The following PIAS1 variants were observed in gnomAD, a reference collection of about 807,000 sequenced individuals.
The protein encoded by PIAS1 is protein inhibitor of activated STAT 1, also known as E3 SUMO-protein ligase PIAS1.
A neutral mutation model predicts 71.3 loss-of-function variants in PIAS1; 6 were observed. The observed-to-expected ratio is 0.08, with a 90% CI of 0.05 to 0.17. The LOEUF is 0.17. Among genes scored for constraint, PIAS1 ranks in the 10% least tolerant of loss-of-function variants. The probability of loss-of-function intolerance (pLI) is 1.00; values close to 1 mark genes in which losing one functional copy is unlikely to be tolerated. For synonymous variants in PIAS1, 303 were observed against 292.9 expected, an observed-to-expected ratio of 1.03 and a Z score of -0.35; for missense variants, 555 against 793.6, an observed-to-expected ratio of 0.70 and a Z score of 3.61.
chr15:68,129,906 G>C (rs1439659801), intron 2 of PIAS1, among the ~76,000 whole-genome samples: 1 of 151,432 alleles, frequency 6.6e-6, no homozygotes, highest in African/African-American at 2.4e-5. Context: ...ATGTTCAGGG[G>C]TTTTCTTCAT....
intron 2 of PIAS1, among the ~76,000 whole-genome samples, chr15:68,089,698 A>G (rs1325068596): frequency 1.3e-5 from 2 of 151,758 alleles, no homozygotes; most frequent in Non-Finnish European, 2.9e-5. Context: ...TGAGACTTAC[A>G]GGCACGTGCC....
intron 1 of PIAS1, among the ~76,000 whole-genome samples, chr15:68,080,867 T>C (rs2092222447): frequency 6.6e-6 from 1 of 152,232 alleles, no homozygotes. Flanking sequence ...ACTCATAATA[T>C]AGTCTGCTTA....
chr15:68,145,747 C>G lies in PIAS1; in HGVS notation c.603-69C>G, dbSNP rs555346126. 5.8e-6 allele frequency: 5 copies of G among 861,306 alleles called. No individual in the cohort carries two copies. In the East Asian group the frequency reaches 1.3e-4, roughly 22 times the overall value. 53.4% of individuals were successfully genotyped at this position (861,306 alleles called of 1,614,324 possible). A position where few individuals can be genotyped will look rare whatever the true frequency, so the allele number is the denominator to read the frequency against. ...TAAATTTACCATCTTTTAAATTTAT[C>G]TATTTAACAATAATACTAATGAAGT... On this transcript the variant is annotated intron_variant, in intron 4 of 13. Coordinates refer to ENST00000249636, the MANE Select transcript of PIAS1 (RefSeq NM_016166.3).
At chr15:68,075,967 G>C (rs1364263823) in intron 1 of PIAS1, among the ~76,000 whole-genome samples, 1 of 152,002 alleles carries the variant, frequency 6.6e-6, no homozygotes, top group African/African-American at 2.4e-5. Context: ...GTTTTTAGTG[G>C]AGATGGGGTT....
chr15:68,156,006 G>T (rs1246799121), intron 7 of PIAS1, among the ~76,000 whole-genome samples: 2 of 152,096 alleles, frequency 1.3e-5, no homozygotes, highest in Non-Finnish European at 2.9e-5. Flanking sequence ...CTACATTTGT[G>T]CCCAGTCCTC....
intron 6 of PIAS1, 65 bp downstream of exon 6, chr15:68,146,765 C>A: frequency 8.8e-7 from 1 of 1,138,318 alleles, no homozygotes; most frequent in Non-Finnish European, 1.3e-6. Context: ...CCATGCCTAT[C>A]TGAATTTATA....
At chr15:68,138,241 T>G (rs1361481352) in intron 2 of PIAS1, among the ~76,000 whole-genome samples, 1 of 152,180 alleles carries the variant, frequency 6.6e-6, no homozygotes, top group Non-Finnish European at 1.5e-5. Context: ...CTATATGTTT[T>G]GTTTGCTCTG....
rs565490862 is a variant in PIAS1 at position 68,075,822 on chromosome 15, C to T, written c.25-10484C>T. On this transcript the variant is annotated intron_variant, in intron 1 of 13. Coordinates refer to ENST00000249636, the MANE Select transcript of PIAS1 (RefSeq NM_016166.3). ...TTTAAGATGGAGTTTTACTCTGCTGCGCAGGCTGGAGTGCAATGATGCGAT... is the reference window on the plus strand; with the variant it reads ...TTTAAGATGGAGTTTTACTCTGCTGTGCAGGCTGGAGTGCAATGATGCGAT... Among the ~76,000 whole-genome samples the T allele has an allele frequency of 3.4e-5, 5 of 145,378 alleles. No homozygotes were observed. In the South Asian group the frequency reaches 6.5e-4, roughly 19 times the overall value.
chr15:68,088,782 A>G (rs1679828076), intron 2 of PIAS1, among the ~76,000 whole-genome samples: 3 of 152,164 alleles, frequency 2.0e-5, no homozygotes, highest in Admixed American at 1.3e-4. Context: ...TAAATTCTTT[A>G]ACATTATTAA....
intron 2 of PIAS1, among the ~76,000 whole-genome samples, chr15:68,130,098 C>T (rs766118325): frequency 1.1e-4 from 17 of 151,954 alleles, no homozygotes; most frequent in Middle Eastern, 3.4e-3. Flanking sequence ...TAGTTTATTA[C>T]GCATTGCATG....
At chr15:68,150,060 ATC>A (rs1437203758) in intron 6 of PIAS1, among the ~76,000 whole-genome samples, 6 of 151,938 alleles carry the variant, frequency 3.9e-5, no homozygotes, top group African/African-American at 1.5e-4. Flanking sequence ...TCTTTTTGAC[ATC>A]TCTCAGGGTT....
At chr15:68,129,529 A>G (rs1219989590) in intron 2 of PIAS1, among the ~76,000 whole-genome samples, 2 of 152,166 alleles carry the variant, frequency 1.3e-5, no homozygotes, top group Non-Finnish European at 2.9e-5. Flanking sequence ...TTATGAAAAT[A>G]AGGCATTAAT....
intron 2 of PIAS1, among the ~76,000 whole-genome samples, chr15:68,093,434 G>A (rs2092349150): frequency 6.6e-6 from 1 of 152,222 alleles, no homozygotes; most frequent in Admixed American, 6.5e-5. Context: ...GCTTGGTAGG[G>A]CATTGGTCTG....
rs939405837 is a variant in PIAS1, at chr15:68,186,198, A to T, written c.1663-1344A>T. ...TGTTGTCATAGCAAATGACAGCTCC[A>T]TGCATGCTATTTTCCCTGAAGACCA... On this transcript the variant is annotated intron_variant, in intron 13 of 13. Transcript: ENST00000249636. This position sits in a 1 kb window ranked among gnomAD's most constrained non-coding sequence, Gnocchi z 4.4. 6.6e-6 allele frequency among the ~76,000 whole-genome samples: 1 copy of T among 152,196 alleles called. No homozygotes were observed. Among genetic ancestry groups the T allele is most frequent in the Non-Finnish European group, 1.5e-5 (1 of 68,032 alleles).
chr15:68,158,912 A>G (rs1249622079), intron 7 of PIAS1, among the ~76,000 whole-genome samples: 1 of 152,180 alleles, frequency 6.6e-6, no homozygotes, highest in Non-Finnish European at 1.5e-5. Flanking sequence ...GTGGCTATTG[A>G]GCACTTAAAA....
rs1276068225 is a variant in PIAS1, at chr15:68,054,695, T to A, written c.24+345T>A. 1.9e-5 allele frequency: 4 copies of A among 208,570 alleles called. No individual in the cohort carries two copies. Among genetic ancestry groups the A allele is most frequent in the Non-Finnish European group, 3.8e-5 (4 of 104,926 alleles). The allele number at this position is 208,570 out of a possible 1,614,324, so 12.9% of individuals were successfully genotyped here. A position where few individuals can be genotyped will look rare whatever the true frequency, so the allele number is the denominator to read the frequency against. On this transcript the variant is annotated intron_variant, in intron 1 of 13. Coordinates refer to ENST00000249636, the MANE Select transcript of PIAS1 (RefSeq NM_016166.3). The surrounding 1 kb of genome is among the most constrained non-coding windows in gnomAD (Gnocchi z 4.6). ...TTCCAGTTAGCCTCCCTGCCCCCCA[T>A]GGGGAGCTGGGGCTGGGGGCAGGGT...
intron 7 of PIAS1, among the ~76,000 whole-genome samples, chr15:68,164,381 AAG>A (rs1307917734): frequency 6.6e-6 from 1 of 152,154 alleles, no homozygotes; most frequent in Non-Finnish European, 1.5e-5. Flanking sequence ...GTTTAAAAGA[AAG>A]AAAACCTTGA....
chr15:68,153,165 CTG>C (rs1243274174), intron 6 of PIAS1, among the ~76,000 whole-genome samples: 1 of 152,128 alleles, frequency 6.6e-6, no homozygotes, highest in Non-Finnish European at 1.5e-5. Context: ...TTAGATATAT[CTG>C]TTACCTACTA....
intron 6 of PIAS1, among the ~76,000 whole-genome samples, chr15:68,148,926 C>T (rs1162188546): frequency 6.6e-6 from 1 of 151,778 alleles, no homozygotes; most frequent in Admixed American, 6.6e-5. Context: ...TAAGTAGGGG[C>T]ATCTGCAGGA....
Sources: gnomAD v4.1 joint callset for allele counts (sites outside exome capture counted in the v4.1 genomes callset) on GRCh38, gnomAD v4.1.1 for gene constraint, Gnocchi (gnomAD v3.1) non-coding constraint, MANE v1.5 for transcripts, NCBI Gene and HGNC (gene_info 2026-07-23, HGNC 2026-07-21) for gene names.